The following EIF5B variants were observed in gnomAD, a reference collection of about 807,000 sequenced individuals.
EIF5B encodes the protein eukaryotic translation initiation factor 5B.
EIF5B carries 47 observed loss-of-function variants against 147.5 expected under a neutral mutation model. That is an observed-to-expected ratio of 0.32 (90% CI 0.25 to 0.41). The LOEUF is 0.41. Among genes scored for constraint, EIF5B ranks in the 10% least tolerant of loss-of-function variants. The pLI is 1.00. For missense variants in EIF5B, 1,064 were observed against 1,413.2 expected (o/e 0.75, Z 3.96); for synonymous variants, 455 against 456.2 (o/e 1.00, Z 0.03).
intron 1 of EIF5B, among the ~76,000 whole-genome samples, chr2:99,358,292 CCTGGGCTCAAGTGAT>C (rs1674136403): frequency 6.6e-6 from 1 of 152,034 alleles, no homozygotes; most frequent in South Asian, 2.1e-4. Context: ...GTCTCGAACT[CCTGGGCTCAAGTGAT>C]CTGCCTGCCT....
Position 99,337,415 on chromosome 2 carries a change from GCGGGTCTGTGGAGAGC to G in EIF5B, c.-134_-119del. Reference sequence around the variant, plus strand: ...CACCATATGTGTCCTGTTCCAGTGCGCGGGTCTGTGGAGAGCCGGGTGCGAGCGGCGGCAGCACGAG... The same window carrying G: ...CACCATATGTGTCCTGTTCCAGTGCGCGGGTGCGAGCGGCGGCAGCACGAG... On this transcript the variant is annotated 5_prime_UTR_variant, in exon 1 of 24. It removes the in-frame stop codon of an upstream open reading frame in the 5' UTR. Coordinates refer to ENST00000289371, the MANE Select transcript of EIF5B (RefSeq NM_015904.4). 9.7e-7 allele frequency: 1 copy of G among 1,026,632 alleles called. No individual in the cohort carries two copies. The highest frequency in any genetic ancestry group is 1.5e-6 in the Non-Finnish European group (1 of 671,822). 63.6% of individuals were successfully genotyped at this position (1,026,632 alleles called of 1,614,324 possible). A position where few individuals can be genotyped will look rare whatever the true frequency, so the allele number is the denominator to read the frequency against.
intron 1 of EIF5B, among the ~76,000 whole-genome samples, chr2:99,349,310 G>A (rs375400802): frequency 1.1e-4 from 16 of 152,236 alleles, no homozygotes; most frequent in African/African-American, 3.4e-4. Context: ...TTTGAAGTGT[G>A]GAATAATTTG....
intron 1 of EIF5B, among the ~76,000 whole-genome samples, chr2:99,341,067 G>T (rs1022067805): frequency 1.3e-5 from 2 of 152,160 alleles, no homozygotes; most frequent in African/African-American, 4.8e-5. Context: ...CTCAGCCCCA[G>T]TTTGTGTAAT....
chr2:99,360,507 A>G lies in EIF5B; in HGVS notation c.204A>G (p.Glu68=), dbSNP rs754621538. The G allele has an allele frequency of 6.2e-7, 1 of 1,613,814 alleles. No homozygotes were observed. The highest frequency in any genetic ancestry group is 2.2e-5 in the East Asian group (1 of 44,866). The change falls in exon 3 of 24, where the codon GAA becomes GAG. Residue 68 remains glutamate, a synonymous_variant. Transcript: ENST00000289371. ...ILKELEELSL[E]AQGIKADRET... Reference sequence around the variant, plus strand: ...AAGAACTGGAAGAATTGTCTTTGGAAGCTCAAGGCATCAAAGCTGACAGAG... The same window carrying G: ...AAGAACTGGAAGAATTGTCTTTGGAGGCTCAAGGCATCAAAGCTGACAGAG...
intron 1 of EIF5B, 105 bp from the exon 2 acceptor site, chr2:99,360,131 A>G (rs745739403): frequency 6.6e-5 from 88 of 1,333,390 alleles, no homozygotes; most frequent in Admixed American, 1.1e-4. Context: ...GATTTTTCTC[A>G]TTGTGCTGCT....
chr2:99,371,451 G>A (rs1674449281), intron 8 of EIF5B, among the ~76,000 whole-genome samples: 2 of 145,970 alleles, frequency 1.4e-5, no homozygotes, highest in East Asian at 2.0e-4. Flanking sequence ...TCACGCCACC[G>A]CACTCCAGCC....
intron 1 of EIF5B, among the ~76,000 whole-genome samples, chr2:99,355,551 G>A (rs1234680990): frequency 6.7e-6 from 1 of 149,520 alleles, no homozygotes; most frequent in African/African-American, 2.5e-5. Context: ...ATAACTATAA[G>A]TAATATGATT....
In EIF5B at chr2:99,400,437, T is replaced by TG. The variant is rs906088643; in HGVS notation, c.*1024dup. Reference sequence around the variant, plus strand: ...GGGTTTTGCTGAAGTCAGTGTGGGGTGTTTGTTTGAGGAAAAAGTTCCAAA... The same window carrying TG: ...GGGTTTTGCTGAAGTCAGTGTGGGGTGGTTTGTTTGAGGAAAAAGTTCCAAA... On this transcript the variant is annotated 3_prime_UTR_variant, in exon 24 of 24. Coordinates refer to ENST00000289371, the MANE Select transcript of EIF5B (RefSeq NM_015904.4). 4 of 151,974 alleles carry TG rather than the reference T, an allele frequency of 2.6e-5. No individual in the cohort carries two copies. Among genetic ancestry groups the TG allele is most frequent in the African/African-American group, 9.7e-5 (4 of 41,386 alleles). The allele number at this position is 151,974 out of a possible 1,614,324, so 9.4% of individuals were successfully genotyped here. A position where few individuals can be genotyped will look rare whatever the true frequency, so the allele number is the denominator to read the frequency against.
chr2:99,382,132 C>G (rs1674703732), intron 12 of EIF5B, 27 bp from the exon 13 acceptor site: 2 of 1,602,416 alleles, frequency 1.2e-6, no homozygotes, highest in African/African-American at 1.3e-5. Context: ...CTTTCTTAAA[C>G]TTTGAACTTT....
chr2:99,376,706 A>G lies in EIF5B; in HGVS notation c.1842+70A>G, dbSNP rs1026068095. 2.7e-6 allele frequency: 4 copies of G among 1,505,294 alleles called. No individual in the cohort carries two copies. The African/African-American group carries it at 4.2e-5, about 16-fold the overall frequency. 93.2% of individuals were successfully genotyped at this position (1,505,294 alleles called of 1,614,324 possible). On this transcript the variant is annotated intron_variant, in intron 10 of 23. Coordinates refer to ENST00000289371, the MANE Select transcript of EIF5B (RefSeq NM_015904.4). ...GTGATGATTAAAACAGTACTCTACAACTAAAGGCTTTGAACAGCACTTTAT... is the reference window on the plus strand; with the variant it reads ...GTGATGATTAAAACAGTACTCTACAGCTAAAGGCTTTGAACAGCACTTTAT...
Position 99,361,297 on chromosome 2 carries a change from A to C in EIF5B, c.396A>C (p.Glu132Asp), listed in dbSNP as rs939391214. Residue 132 changes from glutamate to aspartate, a missense_variant, in exon 4 of 24, where the codon GAA becomes GAC. Transcript: ENST00000289371. Reference sequence around the variant, plus strand: ...AAAAGACTGCAAAACCGAAAGTGGAAATGTACTCTGGGAGTGATGATGATG... The same window carrying C: ...AAAAGACTGCAAAACCGAAAGTGGACATGTACTCTGGGAGTGATGATGATG... ...KSKKTAKPKV[E>D]MYSGSDDDDD... 1.2e-6 allele frequency: 2 copies of C among 1,612,282 alleles called. No individual in the cohort carries two copies. Among genetic ancestry groups the C allele is most frequent in the African/African-American group, 2.7e-5 (2 of 74,840 alleles).
intron 1 of EIF5B, among the ~76,000 whole-genome samples, chr2:99,344,564 G>T (rs2094268406): frequency 6.6e-6 from 1 of 152,084 alleles, no homozygotes; most frequent in Non-Finnish European, 1.5e-5. Context: ...AGCCTCCGGA[G>T]TAGCTGGGAT....
rs1293001362 is a variant in EIF5B at position 99,371,660 on chromosome 2, A to G, written c.1482A>G (p.Glu494=). The G allele has an allele frequency of 1.2e-6, 2 of 1,611,186 alleles. No individual in the cohort carries two copies. Among genetic ancestry groups the G allele is most frequent in the South Asian group, 1.1e-5 (1 of 89,954 alleles). The change falls in exon 9 of 24, where the codon GAA becomes GAG. Residue 494 remains glutamate (E), a synonymous_variant. Coordinates refer to ENST00000289371, the MANE Select transcript of EIF5B (RefSeq NM_015904.4). ...AATGCAAATTTTTACTTACAGAAGA[A>G]GAAGAAGATACTGAGGATGCTGGAT... is the stretch of plus-strand genomic sequence containing the variant. ...EETPPPVEPE[E]EEDTEDAGLD...
Position 99,373,101 on chromosome 2 carries a change from A to G in EIF5B, c.1552+1371A>G, listed in dbSNP as rs190589238. ...TGACTCTTTTATCATTGATATATAT[A>G]TTTCTAACAATGCCTTTTGATATAA... On this transcript the variant is annotated intron_variant, in intron 9 of 23. Coordinates refer to ENST00000289371, the MANE Select transcript of EIF5B (RefSeq NM_015904.4). Among the ~76,000 whole-genome samples the G allele has an allele frequency of 2.3e-3, 348 of 152,258 alleles. 4 individuals carry two copies. Among genetic ancestry groups the G allele is most frequent in the African/African-American group, 8.2e-3 (339 of 41,544 alleles).
Position 99,382,836 on chromosome 2 carries a change from T to C in EIF5B, c.2186T>C (p.Ile729Thr). 2 of 1,612,230 alleles carry C rather than the reference T, an allele frequency of 1.2e-6. No homozygotes were observed. The highest frequency in any genetic ancestry group is 1.7e-6 in the Non-Finnish European group (2 of 1,179,366). ...GACATTGCCATTTTAGTTGTTGATATTATGCATGGTTTGGAGCCCCAGACA... is the reference window on the plus strand; with the variant it reads ...GACATTGCCATTTTAGTTGTTGATACTATGCATGGTTTGGAGCCCCAGACA... ...LCDIAILVVD[I>T]MHGLEPQTIE... The change falls in exon 14 of 24, where the codon ATT becomes ACT. Residue 729 changes from isoleucine to threonine, a missense_variant. By Grantham distance (89) the Ile-to-Thr change is moderately conservative. Coordinates refer to ENST00000289371, the MANE Select transcript of EIF5B (RefSeq NM_015904.4).
chr2:99,387,361 G>A (rs1397277319), intron 14 of EIF5B, among the ~76,000 whole-genome samples: 1 of 151,870 alleles, frequency 6.6e-6, no homozygotes, highest in Non-Finnish European at 1.5e-5. Context: ...GTGAGGTCAG[G>A]GTTTACTTTT....
Position 99,337,422 on chromosome 2 carries a change from T to C in EIF5B, c.-133T>C. 8.9e-7 allele frequency: 1 copy of C among 1,125,412 alleles called. No homozygotes were observed. Among genetic ancestry groups the C allele is most frequent in the South Asian group, 1.3e-5 (1 of 75,220 alleles). The allele number at this position is 1,125,412 out of a possible 1,614,324, so 69.7% of individuals were successfully genotyped here. A position where few individuals can be genotyped will look rare whatever the true frequency, so the allele number is the denominator to read the frequency against. On this transcript the variant is annotated 5_prime_UTR_variant, in exon 1 of 24. Coordinates refer to ENST00000289371, the MANE Select transcript of EIF5B (RefSeq NM_015904.4). Reference sequence around the variant, plus strand: ...TGTGTCCTGTTCCAGTGCGCGGGTCTGTGGAGAGCCGGGTGCGAGCGGCGG... The same window carrying C: ...TGTGTCCTGTTCCAGTGCGCGGGTCCGTGGAGAGCCGGGTGCGAGCGGCGG...
At chr2:99,340,178 A>G (rs542976935) in intron 1 of EIF5B, among the ~76,000 whole-genome samples, 8 of 152,084 alleles carry the variant, frequency 5.3e-5, no homozygotes, top group Non-Finnish European at 1.0e-4. Flanking sequence ...CACATGAGAT[A>G]TTGGGAGATG....
intron 1 of EIF5B, among the ~76,000 whole-genome samples, chr2:99,343,783 CAGCCTGGGTGACAGAG>C (rs777238791): frequency 1.6e-4 from 24 of 151,498 alleles, no homozygotes; most frequent in African/African-American, 2.4e-4. Flanking sequence ...CACTGCACGT[CAGCCTGGGTGACAGAG>C]TGAGACTCCA....
Sources: allele counts gnomAD v4.1 joint callset (sites outside exome capture counted in the v4.1 genomes callset), GRCh38; gene constraint gnomAD v4.1.1; transcripts MANE v1.5; gene names NCBI Gene and HGNC (gene_info 2026-07-23, HGNC 2026-07-21).